ZFHX4: variants seen among roughly 807,000 people sequenced by gnomAD.
ZFHX4 encodes zinc finger homeobox protein 4.
ZFHX4 carries 56 observed loss-of-function variants against 267.6 expected under a neutral mutation model. The observed-to-expected ratio is 0.21, with a 90% CI of 0.17 to 0.26. The LOEUF is 0.26. Ranked by LOEUF, ZFHX4 falls within the 10% of genes least tolerant of loss-of-function variation. The pLI, the probability that ZFHX4 is intolerant of heterozygous loss-of-function variation, is 1.00. For synonymous variants in ZFHX4, 1,778 were observed against 1,665.6 expected (o/e 1.07, Z -1.64); for missense variants, 4,332 against 4,420.0 (o/e 0.98, Z 0.56).
intron 3 of ZFHX4, among the ~76,000 whole-genome samples, chr8:76,747,306 T>G (rs1474690988): frequency 6.6e-6 from 1 of 152,124 alleles, no homozygotes; most frequent in African/African-American, 2.4e-5. Flanking sequence ...AGGGGGTACA[T>G]GTACAGGTTT....
At chr8:76,711,137 G>A (rs570977122) in intron 3 of ZFHX4, among the ~76,000 whole-genome samples, 13 of 152,180 alleles carry the variant, frequency 8.5e-5, no homozygotes, top group African/African-American at 1.7e-4. Context: ...ATACCTTTAT[G>A]CCTATTGCTA....
At chr8:76,698,377 T>C (rs1468754100) in intron 1 of ZFHX4, among the ~76,000 whole-genome samples, 2 of 152,168 alleles carry the variant, frequency 1.3e-5, no homozygotes, top group East Asian at 3.8e-4. Flanking sequence ...TGGAGTTTGA[T>C]TAAAGTTTTG....
rs1563572714 is a variant in ZFHX4, at chr8:76,864,434, T to A, written c.10720T>A (p.Ser3574Thr). The A allele has an allele frequency of 6.2e-7, 1 of 1,613,558 alleles. No individual in the cohort carries two copies. The highest frequency in any genetic ancestry group is 8.5e-7 in the Non-Finnish European group (1 of 1,179,760). Residue 3574 changes from serine to threonine, a missense_variant, in exon 11 of 11, where the codon TCA (serine) becomes ACA (threonine). Physicochemically the swap from Ser to Thr is moderately conservative, Grantham distance 58. This residue lies in a region of ZFHX4 where 1,648 missense variants were observed against 1,625.0 expected (regional missense o/e 1.01). Coordinates refer to ENST00000651372, the MANE Select transcript of ZFHX4 (RefSeq NM_024721.5). Reference protein sequence around the residue: ...VQTSLPTESCSDESDSELSQK... With the variant: ...VQTSLPTESCTDESDSELSQK... ...AACCTCACTACCCACAGAAAGTTGT[T>A]CAGATGAGTCTGACAGTGAGCTGAG... is the stretch of plus-strand genomic sequence containing the variant.
At chr8:76,740,330 G>A (rs372276027) in intron 3 of ZFHX4, among the ~76,000 whole-genome samples, 1 of 151,932 alleles carries the variant, frequency 6.6e-6, no homozygotes, top group East Asian at 1.9e-4. Flanking sequence ...AAGGAGAAGA[G>A]AGAAAGGGAG....
In ZFHX4 at chr8:76,847,922, G is replaced by A. The variant is rs187927460; in HGVS notation, c.3512-1073G>A. Reference sequence around the variant, plus strand: ...GATTACGCCTGGACTATATATTTACGTGGGGTCTGATAGCAATCAATGGTT... The same window carrying A: ...GATTACGCCTGGACTATATATTTACATGGGGTCTGATAGCAATCAATGGTT... On this transcript the variant is annotated intron_variant, in intron 6 of 10. Transcript: ENST00000651372. Among the ~76,000 whole-genome samples the A allele has an allele frequency of 1.4e-3, 218 of 152,118 alleles. 1 individual carries two copies. Among genetic ancestry groups the A allele is most frequent in the South Asian group, 8.9e-3 (43 of 4,822 alleles).
intron 1 of ZFHX4, among the ~76,000 whole-genome samples, chr8:76,685,919 A>T (rs1807681275): frequency 6.6e-6 from 1 of 152,220 alleles, no homozygotes; most frequent in Non-Finnish European, 1.5e-5. Flanking sequence ...TTTTGTTTCT[A>T]GCACTTAGTA....
intron 4 of ZFHX4, chr8:76,782,295 A>G: frequency 2.8e-6 from 1 of 357,644 alleles, no homozygotes; most frequent in Non-Finnish European, 5.7e-6. Context: ...CTGTCTGGCT[A>G]TGCTAGTACA....
At chr8:76,789,162 T>A (rs997878184) in intron 4 of ZFHX4, among the ~76,000 whole-genome samples, 8 of 152,194 alleles carry the variant, frequency 5.3e-5, no homozygotes, top group Non-Finnish European at 1.0e-4. Context: ...TTAAGCGTTT[T>A]GGCCAAAATC....
chr8:76,777,414 A>G (rs1411843871), intron 3 of ZFHX4, among the ~76,000 whole-genome samples: 10 of 152,166 alleles, frequency 6.6e-5, no homozygotes, highest in Non-Finnish European at 1.2e-4. Context: ...ATGGTAAAAA[A>G]GAAAAAGCTT....
Position 76,865,196 on chromosome 8 carries a change from G to A in ZFHX4, c.*631G>A, listed in dbSNP as rs1812996727. 1 of 152,622 alleles carries A rather than the reference G, an allele frequency of 6.6e-6. No individual in the cohort carries two copies. The highest frequency in any genetic ancestry group is 1.5e-5 in the Non-Finnish European group (1 of 68,056). 9.5% of individuals were successfully genotyped at this position (152,622 alleles called of 1,614,324 possible). A position where few individuals can be genotyped will look rare whatever the true frequency, so the allele number is the denominator to read the frequency against. ...ACCGCAGAGGGAATCTGGAACAGTG[G>A]AATCATGTGTCTGCCCTGTGTATTG... On this transcript the variant is annotated 3_prime_UTR_variant, in exon 11 of 11. Transcript: ENST00000651372.
intron 1 of ZFHX4, among the ~76,000 whole-genome samples, chr8:76,690,732 C>CGTGT (rs568841514): frequency 1.1e-3 from 172 of 152,140 alleles, no homozygotes; most frequent in Non-Finnish European, 1.8e-3. Flanking sequence ...GACAGACACA[C>CGTGT]ACACACACAT....
At chr8:76,832,961 A>T (rs1323928411) in intron 4 of ZFHX4, among the ~76,000 whole-genome samples, 5 of 152,168 alleles carry the variant, frequency 3.3e-5, no homozygotes, top group African/African-American at 1.2e-4. Context: ...TTGGTAACTT[A>T]TCAGAGAAGT....
intron 3 of ZFHX4, among the ~76,000 whole-genome samples, chr8:76,737,995 TTAAA>T (rs1387276277): frequency 2.6e-5 from 4 of 152,212 alleles, no homozygotes; most frequent in Non-Finnish European, 4.4e-5. Context: ...GCATTAATTC[TTAAA>T]TAAAGAGAAC....
intron 1 of ZFHX4, among the ~76,000 whole-genome samples, chr8:76,694,412 A>C (rs1410642680): frequency 6.6e-6 from 1 of 152,210 alleles, no homozygotes. Context: ...AGAATAAAAT[A>C]GGTGCTACCC....
Position 76,855,533 on chromosome 8 carries a change from C to G in ZFHX4, c.8612C>G (p.Pro2871Arg). The G allele has an allele frequency of 6.2e-7, 1 of 1,613,812 alleles. No individual in the cohort carries two copies. Among genetic ancestry groups the G allele is most frequent in the East Asian group, 2.2e-5 (1 of 44,832 alleles). ...DDKFLFSLTS[P>R]SIHFNDKDGD... is the part of the protein sequence containing the mutation. ...AAATTTCTCTTTTCTCTCACAAGCC[C>G]ATCCATCCATTTCAATGACAAAGAT... Residue 2871 changes from proline (P) to arginine (R), a missense_variant, in exon 10 of 11, where the codon CCA (proline) becomes CGA (arginine). Transcript: ENST00000651372.
intron 4 of ZFHX4, among the ~76,000 whole-genome samples, chr8:76,784,829 T>C (rs540915662): frequency 5.9e-5 from 9 of 152,138 alleles, no homozygotes; most frequent in Non-Finnish European, 1.2e-4. Context: ...CTTTAGCTGC[T>C]ACTTTTTTCC....
chr8:76,849,744 C>T, intron 8 of ZFHX4, 32 bp downstream of exon 8: 2 of 1,571,046 alleles, frequency 1.3e-6, no homozygotes, highest in Non-Finnish European at 1.7e-6. Flanking sequence ...GCATGTGTGA[C>T]ATAATCTGTG....
intron 5 of ZFHX4, among the ~76,000 whole-genome samples, chr8:76,837,507 AC>A (rs1454272719): frequency 8.7e-5 from 13 of 149,050 alleles, no homozygotes; most frequent in Non-Finnish European, 1.8e-4. Context: ...AAAAAAAAAA[AC>A]CAAAGCCAGA....
At chr8:76,813,860 A>G (rs1811437063) in intron 4 of ZFHX4, among the ~76,000 whole-genome samples, 1 of 152,170 alleles carries the variant, frequency 6.6e-6, no homozygotes, top group South Asian at 2.1e-4. Context: ...TAAGCATATG[A>G]TTCCAAAGCA....
Sources: gnomAD v4.1 joint callset for allele counts (sites outside exome capture counted in the v4.1 genomes callset) on GRCh38, gnomAD v4.1.1 for gene constraint, gnomAD v4.1.1 regional missense constraint, MANE v1.5 for transcripts, NCBI Gene and HGNC (gene_info 2026-07-23, HGNC 2026-07-21) for gene names.